ZNF365: variants seen among roughly 807,000 people sequenced by gnomAD.
The protein encoded by ZNF365 is protein ZNF365.
A neutral mutation model predicts 35.0 loss-of-function variants in ZNF365; 22 were observed. The observed-to-expected ratio is 0.63, with a 90% CI of 0.45 to 0.90. The LOEUF (loss-of-function observed/expected upper bound fraction) is 0.90, where lower values mean the gene tolerates loss of function less well. ZNF365 is among the 40% of genes least tolerant of loss of function. The pLI, the probability that ZNF365 is intolerant of heterozygous loss-of-function variation, is 0.00. For synonymous variants in ZNF365, 188 were observed against 196.2 expected, an observed-to-expected ratio of 0.96 and a Z score of 0.35; for missense variants, 448 against 500.3, an observed-to-expected ratio of 0.90 and a Z score of 1.00.
At chr10:62,429,432 G>A (rs963912250) in intron 3 of ZNF365, among the ~76,000 whole-genome samples, 3 of 152,168 alleles carry the variant, frequency 2.0e-5, no homozygotes, top group Non-Finnish European at 2.9e-5. Flanking sequence ...TCAGAATTGC[G>A]AAGACTTTAC....
chr10:62,477,745 T>A (rs1165693119), intron 4 of ZNF365, among the ~76,000 whole-genome samples: 1 of 152,150 alleles, frequency 6.6e-6, no homozygotes, highest in East Asian at 1.9e-4. Flanking sequence ...TTGAATGTTG[T>A]CAGTCTCATG....
Position 62,400,075 on chromosome 10 carries a change from T to A in ZNF365, c.*286T>A, listed in dbSNP as rs1839801048. On this transcript the variant is annotated 3_prime_UTR_variant, in exon 5 of 5. Coordinates refer to ENST00000395254, the MANE Select transcript of ZNF365 (RefSeq NM_014951.3). ...CTAAAGTAACTGGCCCAGTCTCCAG[T>A]AATCTTGGCATCTGGGCTTCTATGC... 1 of 1,148,602 alleles carries A rather than the reference T, an allele frequency of 8.7e-7. No homozygotes were observed. Among genetic ancestry groups the A allele is most frequent in the African/African-American group, 1.6e-5 (1 of 63,616 alleles). The allele number at this position is 1,148,602 out of a possible 1,614,324, so 71.2% of individuals were successfully genotyped here. A position where few individuals can be genotyped will look rare whatever the true frequency, so the allele number is the denominator to read the frequency against.
chr10:62,459,223 A>C (rs1190555336), intron 3 of ZNF365, among the ~76,000 whole-genome samples: 1 of 152,188 alleles, frequency 6.6e-6, no homozygotes, highest in Non-Finnish European at 1.5e-5. Context: ...TCCAGGAGAA[A>C]ACCATGACTC....
At chr10:62,475,932 T>C (rs1349559979) in intron 4 of ZNF365, among the ~76,000 whole-genome samples, 1 of 152,182 alleles carries the variant, frequency 6.6e-6, no homozygotes, top group African/African-American at 2.4e-5. Context: ...TGATTTGTAT[T>C]TATGAAGACC....
intron 3 of ZNF365, among the ~76,000 whole-genome samples, chr10:62,392,603 C>CGTTTGTTT (rs139529803): frequency 4.0e-5 from 6 of 150,272 alleles, no homozygotes; most frequent in Non-Finnish European, 7.4e-5. Context: ...GTCTATGTGC[C>CGTTTGTTT]GTTTGTTTGT....
chr10:62,441,759 T>A (rs910574942), intron 3 of ZNF365, among the ~76,000 whole-genome samples: 11 of 152,236 alleles, frequency 7.2e-5, no homozygotes, highest in Admixed American at 3.3e-4. Context: ...TGGACCTATT[T>A]TACATGTTTA....
intron 3 of ZNF365, among the ~76,000 whole-genome samples, chr10:62,415,608 A>G (rs975182002): frequency 6.6e-6 from 1 of 152,136 alleles, no homozygotes; most frequent in African/African-American, 2.4e-5. Context: ...TTATTTCTCT[A>G]GTACCATAAG....
intron 3 of ZNF365, among the ~76,000 whole-genome samples, chr10:62,456,772 G>A (rs915486839): frequency 1.3e-5 from 2 of 152,172 alleles, no homozygotes; most frequent in Non-Finnish European, 2.9e-5. Context: ...GTAAGCATCT[G>A]TCTTTCTTGT....
chr10:62,424,545 C>T (rs1451263246), intron 3 of ZNF365, among the ~76,000 whole-genome samples: 4 of 152,170 alleles, frequency 2.6e-5, no homozygotes, highest in Non-Finnish European at 4.4e-5. Context: ...TTTTGGACCA[C>T]TGATCACAAA....
intron 4 of ZNF365, among the ~76,000 whole-genome samples, chr10:62,474,984 G>A (rs1841104034): frequency 6.6e-6 from 1 of 152,120 alleles, no homozygotes; most frequent in South Asian, 2.1e-4. Flanking sequence ...CAAGTAAGCG[G>A]TTTCCTTTTG....
intron 3 of ZNF365, among the ~76,000 whole-genome samples, chr10:62,452,813 A>G (rs1840704829): frequency 6.6e-6 from 1 of 152,258 alleles, no homozygotes; most frequent in Admixed American, 6.5e-5. Context: ...ATGTTAGTAG[A>G]CAAGTAGAAA....
intron 2 of ZNF365, among the ~76,000 whole-genome samples, chr10:62,380,017 C>T (rs1319556077): frequency 1.3e-5 from 2 of 152,208 alleles, no homozygotes; most frequent in African/African-American, 2.4e-5. Flanking sequence ...ATTTAAAATT[C>T]ACATAAGCTT....
chr10:62,433,544 C>T (rs1340041840), intron 3 of ZNF365, among the ~76,000 whole-genome samples: 1 of 152,160 alleles, frequency 6.6e-6, no homozygotes, highest in East Asian at 1.9e-4. Context: ...GAAAAAGTGG[C>T]TCTGAACACC....
intron 2 of ZNF365, among the ~76,000 whole-genome samples, chr10:62,381,493 T>C (rs2132411049): frequency 6.6e-6 from 1 of 152,218 alleles, no homozygotes; most frequent in East Asian, 1.9e-4. Flanking sequence ...AATGTGATTT[T>C]TTTTTCCCCC....
At chr10:62,388,359 T>C (rs1839558384) in intron 2 of ZNF365, 37 bp from the exon 3 acceptor site, 1 of 1,613,062 alleles carries the variant, frequency 6.2e-7, no homozygotes, top group Non-Finnish European at 8.5e-7. Flanking sequence ...CCTTGCCTTA[T>C]ATTTCCCTTT....
rs1301645779 is a variant in ZNF365, at chr10:62,401,939, A to G, written c.*2150A>G. On this transcript the variant is annotated 3_prime_UTR_variant, in exon 5 of 5. Transcript: ENST00000395254. Reference sequence around the variant, plus strand: ...TAAAATGTTTTTTTACGTTCCCACTAAATTTTGACCCCATATAAAGAAATG... The same window carrying G: ...TAAAATGTTTTTTTACGTTCCCACTGAATTTTGACCCCATATAAAGAAATG... 1 of 985,402 alleles carries G rather than the reference A, an allele frequency of 1.0e-6. No individual in the cohort carries two copies. The highest frequency in any genetic ancestry group is 1.2e-6 in the Non-Finnish European group (1 of 829,896). The allele number at this position is 985,402 out of a possible 1,614,324, so 61.0% of individuals were successfully genotyped here.
rs145255908 is a variant in ZNF365 at position 62,468,207 on chromosome 10, C to G, written c.981+8410C>G. 6.6e-5 allele frequency among the ~76,000 whole-genome samples: 10 copies of G among 152,114 alleles called. No homozygotes were observed. The South Asian group carries it at 1.2e-3, about 19-fold the overall frequency. The stretch of plus-strand genomic sequence containing the variant: ...AAAAGCACAAAGAAAAAATATCCAC[C>G]ACCTTAGTATACAGTCATATACTAT... On this transcript the variant is annotated intron_variant, in intron 4 of 4. Coordinates refer to the ZNF365 transcript ENST00000395255.
intron 4 of ZNF365, among the ~76,000 whole-genome samples, chr10:62,472,373 A>G (rs1841056542): frequency 6.6e-6 from 1 of 152,214 alleles, no homozygotes; most frequent in Non-Finnish European, 1.5e-5. Flanking sequence ...AAGGTCCTAA[A>G]CCTGAGTATG....
intron 3 of ZNF365, among the ~76,000 whole-genome samples, chr10:62,435,724 T>G (rs1270609590): frequency 6.6e-6 from 1 of 152,192 alleles, no homozygotes; most frequent in Non-Finnish European, 1.5e-5. Flanking sequence ...CCATGGATAT[T>G]TACAGCTACA....
Sources: allele counts gnomAD v4.1 joint callset (sites outside exome capture counted in the v4.1 genomes callset), GRCh38; gene constraint gnomAD v4.1.1; transcripts MANE v1.5; gene names NCBI Gene and HGNC (gene_info 2026-07-23, HGNC 2026-07-21).